The following CLDN14 variants were observed in gnomAD, a reference collection of about 807,000 sequenced individuals.
The protein encoded by CLDN14 is claudin 14, also known as claudin-14.
A neutral mutation model predicts 2.1 loss-of-function variants in CLDN14; 2 were observed. The ratio of observed to expected loss-of-function variants is 0.96; its 90% CI spans 0.39 to 3.01. CLDN14 has a LOEUF of 3.01. Among genes scored for constraint, CLDN14 ranks in the 30% most tolerant of loss-of-function variants. The pLI is 0.09. For missense variants in CLDN14, 298 were observed against 328.0 expected (o/e 0.91, Z 0.71); for synonymous variants, 136 against 154.4 (o/e 0.88, Z 0.88).
chr21:36,468,833 C>T (rs1407058527), intron 1 of CLDN14, among the ~76,000 whole-genome samples: 2 of 151,618 alleles, frequency 1.3e-5, no homozygotes, highest in African/African-American at 4.9e-5. Context: ...GATCTTGGCT[C>T]AGTGCAACCT....
chr21:36,467,118 A>G (rs1209897014), intron 1 of CLDN14, among the ~76,000 whole-genome samples: 2 of 152,206 alleles, frequency 1.3e-5, no homozygotes, highest in East Asian at 1.9e-4. Flanking sequence ...TTTCAGGATC[A>G]CCAGCTCTGA....
intron 2 of CLDN14, among the ~76,000 whole-genome samples, chr21:36,500,459 T>C (rs2087083297): frequency 6.6e-6 from 1 of 152,022 alleles, no homozygotes; most frequent in Admixed American, 6.6e-5. Context: ...TTAGACAGAG[T>C]CTTGTTCTGT....
Position 36,461,273 on chromosome 21 carries a change from G to A in CLDN14, c.423C>T (p.Asn141=), listed in dbSNP as rs758024791. ...LCMVAVSWTT[N]DVVQNFYNPL... ...GGTTGTAGAAGTTCTGCACCACGTC[G>A]TTGGTGGTCCAGGAGACGGCCACCA... is the stretch of plus-strand genomic sequence containing the variant. The change falls in exon 2 of 2, where the codon AAC becomes AAT. Residue 141 remains asparagine (N), a synonymous_variant. Transcript: ENST00000399135. 8 of 1,613,816 alleles carry A rather than the reference G, an allele frequency of 5.0e-6. No individual in the cohort carries two copies. Among genetic ancestry groups the A allele is most frequent in the South Asian group, 2.2e-5 (2 of 91,090 alleles).
upstream of CLDN14, among the ~76,000 whole-genome samples, chr21:36,482,667 A>G (rs1220341725): frequency 6.6e-6 from 1 of 152,202 alleles, no homozygotes. Flanking sequence ...TTTGAGCGAC[A>G]CACATGCTGA....
At chr21:36,528,100 G>C (rs1568870421) in intron 1 of CLDN14, among the ~76,000 whole-genome samples, 1 of 152,152 alleles carries the variant, frequency 6.6e-6, no homozygotes, top group Non-Finnish European at 1.5e-5. Context: ...GTTACTCTCA[G>C]ATCATCCTTG....
chr21:36,505,296 A>G (rs546593358), intron 2 of CLDN14, among the ~76,000 whole-genome samples: 38 of 152,316 alleles, frequency 2.5e-4, no homozygotes, highest in African/African-American at 8.7e-4. Context: ...TTACAAAAGT[A>G]TTGGTCCATA....
intron 1 of CLDN14, among the ~76,000 whole-genome samples, chr21:36,567,721 C>T (rs1053290618): frequency 6.6e-6 from 1 of 152,190 alleles, no homozygotes; most frequent in Non-Finnish European, 1.5e-5. Flanking sequence ...ACATTTGAAA[C>T]TGTCCAGGCT....
At chr21:36,483,875 G>A (rs1036712950), upstream of CLDN14, among the ~76,000 whole-genome samples, 4 of 152,170 alleles carry the variant, frequency 2.6e-5, no homozygotes, top group African/African-American at 9.7e-5. Flanking sequence ...CCTCCCTGCT[G>A]GTGATATAGG....
chr21:36,519,414 A>G (rs1233396938), intron 1 of CLDN14, among the ~76,000 whole-genome samples: 3 of 152,204 alleles, frequency 2.0e-5, no homozygotes, highest in East Asian at 3.8e-4. Flanking sequence ...TGTCTCTACT[A>G]AAAATACAAA....
intron 1 of CLDN14, among the ~76,000 whole-genome samples, chr21:36,552,142 A>C (rs992187142): frequency 6.6e-6 from 1 of 152,242 alleles, no homozygotes; most frequent in African/African-American, 2.4e-5. Flanking sequence ...CATGAGCCAA[A>C]GGCAGGAAAA....
At chr21:36,506,324 C>T (rs964146352) in intron 2 of CLDN14, among the ~76,000 whole-genome samples, 5 of 152,182 alleles carry the variant, frequency 3.3e-5, no homozygotes, top group Non-Finnish European at 4.4e-5. Context: ...CAGTCAGGTA[C>T]GGTGGCTCAT....
At chr21:36,500,715 C>T (rs1037095339) in intron 2 of CLDN14, among the ~76,000 whole-genome samples, 27 of 152,340 alleles carry the variant, frequency 1.8e-4, no homozygotes, top group African/African-American at 3.8e-4. Context: ...TATAGGCGCA[C>T]GTCACCGTGC....
At chr21:36,540,430 G>C (rs2087478994) in intron 1 of CLDN14, among the ~76,000 whole-genome samples, 1 of 152,104 alleles carries the variant, frequency 6.6e-6, no homozygotes, top group Non-Finnish European at 1.5e-5. Flanking sequence ...CGGGTATGGA[G>C]AGCCAACTGT....
intron 2 of CLDN14, among the ~76,000 whole-genome samples, chr21:36,508,339 C>A (rs1436967113): frequency 1.3e-5 from 2 of 152,128 alleles, no homozygotes; most frequent in South Asian, 2.1e-4. Context: ...GCTCAAGTTG[C>A]CTTCATGGAA....
chr21:36,563,233 C>G (rs1299783034), intron 1 of CLDN14, among the ~76,000 whole-genome samples: 5 of 152,154 alleles, frequency 3.3e-5, no homozygotes, highest in Non-Finnish European at 5.9e-5. Flanking sequence ...TCATCTAGAA[C>G]AAGTTGCAGG....
At chr21:36,505,714 A>G (rs1419719733) in intron 2 of CLDN14, among the ~76,000 whole-genome samples, 1 of 152,230 alleles carries the variant, frequency 6.6e-6, no homozygotes, top group African/African-American at 2.4e-5. Flanking sequence ...CAGTGAAAAG[A>G]AAATGCAAAA....
intron 1 of CLDN14, among the ~76,000 whole-genome samples, chr21:36,569,298 T>C (rs1294019746): frequency 6.6e-6 from 1 of 151,844 alleles, no homozygotes; most frequent in Admixed American, 6.6e-5. Context: ...TGTCTGTAGT[T>C]CCAGCTACTC....
At chr21:36,562,389 T>C (rs2087642268) in intron 1 of CLDN14, among the ~76,000 whole-genome samples, 1 of 152,174 alleles carries the variant, frequency 6.6e-6, no homozygotes, top group South Asian at 2.1e-4. Flanking sequence ...AGGAAACACA[T>C]GGGACATCCA....
chr21:36,538,939 C>T (rs1043864612), intron 1 of CLDN14, among the ~76,000 whole-genome samples: 1 of 152,208 alleles, frequency 6.6e-6, no homozygotes, highest in African/African-American at 2.4e-5. Context: ...GTCCCAGTCG[C>T]GCCCCTGCCC....
Sources: gnomAD v4.1 joint callset for allele counts (sites outside exome capture counted in the v4.1 genomes callset) on GRCh38, gnomAD v4.1.1 for gene constraint, MANE v1.5 for transcripts, NCBI Gene and HGNC (gene_info 2026-07-23, HGNC 2026-07-21) for gene names.